ZFHX3: variants seen among roughly 807,000 people sequenced by gnomAD.
The protein encoded by ZFHX3 is zinc finger homeobox protein 3.
Under a neutral mutation model 279.1 loss-of-function variants are expected in ZFHX3, and 42 were observed. The observed-to-expected ratio is 0.15, with a 90% CI of 0.12 to 0.19. The LOEUF (loss-of-function observed/expected upper bound fraction) is 0.19. Among genes scored for constraint, ZFHX3 ranks in the 10% least tolerant of loss-of-function variants. The probability of loss-of-function intolerance (pLI) is 1.00; values close to 1 mark genes in which losing one functional copy is unlikely to be tolerated. For missense variants in ZFHX3, 4,981 were observed against 4,754.0 expected (o/e 1.05, Z -1.40); for synonymous variants, 2,293 against 1,957.8 (o/e 1.17, Z -4.52).
At chr16:73,016,714 G>C (rs775170365) in intron 1 of ZFHX3, among the ~76,000 whole-genome samples, 10 of 151,972 alleles carry the variant, frequency 6.6e-5, no homozygotes, top group African/African-American at 9.7e-5. Flanking sequence ...TCTTCTATTT[G>C]AATGTCCATT....
chr16:72,917,069 T>C (rs2039459529), intron 3 of ZFHX3, among the ~76,000 whole-genome samples: 1 of 151,934 alleles, frequency 6.6e-6, no homozygotes, highest in South Asian at 2.1e-4. Context: ...TGAAACCCCA[T>C]CGCTACAAAA....
chr16:73,831,390 G>T (rs935770331), intron 1 of ZFHX3, among the ~76,000 whole-genome samples: 1 of 152,178 alleles, frequency 6.6e-6, no homozygotes, highest in Non-Finnish European at 1.5e-5. Flanking sequence ...CTGATGAGAG[G>T]TGCTAAATAA....
chr16:72,804,549 A>G (rs921454374), intron 7 of ZFHX3, among the ~76,000 whole-genome samples: 1 of 151,748 alleles, frequency 6.6e-6, no homozygotes, highest in Admixed American at 6.6e-5. Flanking sequence ...AGGTTCATAA[A>G]TACATAGTTC....
intron 2 of ZFHX3, among the ~76,000 whole-genome samples, chr16:73,673,394 A>C (rs1252970552): frequency 6.6e-6 from 1 of 152,158 alleles, no homozygotes; most frequent in African/African-American, 2.4e-5. Flanking sequence ...TAGTCCCCCC[A>C]AAATCATAAA....
At chr16:73,153,675 G>A (rs1167383074) in intron 5 of ZFHX3, among the ~76,000 whole-genome samples, 8 of 151,830 alleles carry the variant, frequency 5.3e-5, no homozygotes, top group African/African-American at 1.9e-4. Context: ...TTTTGAGATG[G>A]GGTCTAGTCC....
intron 5 of ZFHX3, among the ~76,000 whole-genome samples, chr16:73,156,881 T>G (rs1967099248): frequency 1.3e-5 from 2 of 152,138 alleles, no homozygotes; most frequent in African/African-American, 4.8e-5. Context: ...GCCCAGCTAA[T>G]TTATATATTT....
intron 1 of ZFHX3, among the ~76,000 whole-genome samples, chr16:73,877,458 T>A (rs60063924): frequency 0.42 from 63,781 of 151,908 alleles, 14,286 homozygotes; most frequent in Non-Finnish European, 0.5. Flanking sequence ...TGAAAAAATA[T>A]AATAAAATAA....
In ZFHX3 at chr16:73,755,375, C is replaced by T. The variant is rs188221653; in HGVS notation, c.-1607-75135G>A. Among the ~76,000 whole-genome samples, 373 of 152,256 alleles carry T rather than the reference C, an allele frequency of 2.4e-3. 1 individual carries two copies. The highest frequency in any genetic ancestry group is 3.8e-3 in the Non-Finnish European group (257 of 68,020). On this transcript the variant is annotated intron_variant, in intron 1 of 17. Coordinates refer to the ZFHX3 transcript ENST00000641206. ...AAATCCTGGAGTTTAAACTCCCTAACGGCCTTAGAAACTCTATAATCTATC... is the reference window on the plus strand; with the variant it reads ...AAATCCTGGAGTTTAAACTCCCTAATGGCCTTAGAAACTCTATAATCTATC...
chr16:72,815,074 A>C (rs2036565638), intron 5 of ZFHX3, among the ~76,000 whole-genome samples: 1 of 152,154 alleles, frequency 6.6e-6, no homozygotes, highest in African/African-American at 2.4e-5. Flanking sequence ...AAGACATCGT[A>C]CCAAAGTCGT....
At chr16:73,108,429 G>T (rs924685666) in intron 7 of ZFHX3, among the ~76,000 whole-genome samples, 2 of 151,920 alleles carry the variant, frequency 1.3e-5, no homozygotes, top group African/African-American at 4.8e-5. Context: ...TTGTTTTGAG[G>T]GTATTGCTCT....
chr16:73,353,295 G>C (rs757861518), intron 3 of ZFHX3, among the ~76,000 whole-genome samples: 1 of 152,042 alleles, frequency 6.6e-6, no homozygotes, highest in African/African-American at 2.4e-5. Context: ...GGTTTTCACC[G>C]AGTCCCCCTG....
intron 2 of ZFHX3, among the ~76,000 whole-genome samples, chr16:73,556,837 T>A (rs1201914790): frequency 6.6e-6 from 1 of 151,702 alleles, no homozygotes; most frequent in Non-Finnish European, 1.5e-5. Flanking sequence ...GGCTCATGCC[T>A]GTAATCCCAG....
chr16:73,015,271 T>A (rs1480533390), intron 1 of ZFHX3: 1 of 152,082 alleles, frequency 6.6e-6, no homozygotes, highest in Non-Finnish European at 1.5e-5. Flanking sequence ...GGTCTCTAAC[T>A]CCTGGGTTCA....
chr16:73,327,361 C>G (rs973170372), intron 3 of ZFHX3, among the ~76,000 whole-genome samples: 2 of 152,126 alleles, frequency 1.3e-5, no homozygotes, highest in African/African-American at 4.8e-5. Flanking sequence ...ATGACTCATT[C>G]CCTAAACCCA....
chr16:73,859,791 T>C (rs774270789), intron 1 of ZFHX3, among the ~76,000 whole-genome samples: 2 of 152,116 alleles, frequency 1.3e-5, no homozygotes, highest in Non-Finnish European at 2.9e-5. Context: ...AGCCTAAATA[T>C]AAAATTCACA....
intron 2 of ZFHX3, among the ~76,000 whole-genome samples, chr16:73,530,144 T>G (rs2019772827): frequency 6.6e-6 from 1 of 152,078 alleles, no homozygotes; most frequent in Non-Finnish European, 1.5e-5. Flanking sequence ...AAGGCAAAAG[T>G]CACGTCTTAC....
At chr16:73,435,716 C>T (rs572654640) in intron 3 of ZFHX3, among the ~76,000 whole-genome samples, 5 of 152,332 alleles carry the variant, frequency 3.3e-5, no homozygotes, top group African/African-American at 9.6e-5. Flanking sequence ...TCGTGTCTCA[C>T]CTGCTATCCT....
At chr16:73,181,027 G>A (rs1567411674) in intron 5 of ZFHX3, among the ~76,000 whole-genome samples, 1 of 152,158 alleles carries the variant, frequency 6.6e-6, no homozygotes, top group South Asian at 2.1e-4. Context: ...ATGTCTTGGA[G>A]TAATTTGTGT....
At chr16:73,872,282 C>A (rs2029863959) in intron 1 of ZFHX3, among the ~76,000 whole-genome samples, 1 of 151,920 alleles carries the variant, frequency 6.6e-6, no homozygotes, top group Admixed American at 6.6e-5. Flanking sequence ...CATTTTGTTG[C>A]CCAGGCTGGA....
Sources: allele counts gnomAD v4.1 joint callset (sites outside exome capture counted in the v4.1 genomes callset), GRCh38; gene constraint gnomAD v4.1.1; transcripts MANE v1.5; gene names NCBI Gene and HGNC (gene_info 2026-07-23, HGNC 2026-07-21).